Variants in TWIST2 observed in about 807,000 individuals in gnomAD.
The protein encoded by TWIST2 is twist-related protein 2.
A neutral mutation model predicts 11.6 loss-of-function variants in TWIST2; 1 was observed. The ratio of observed to expected loss-of-function variants is 0.09; its 90% CI spans 0.03 to 0.41. The LOEUF (loss-of-function observed/expected upper bound fraction) is 0.41, where lower values mean the gene tolerates loss of function less well. Among genes scored for constraint, TWIST2 ranks in the 10% least tolerant of loss-of-function variants. The pLI is 0.98. For missense variants in TWIST2, 168 were observed against 226.4 expected, an observed-to-expected ratio of 0.74 and a Z score of 1.66; for synonymous variants, 87 against 96.6, an observed-to-expected ratio of 0.90 and a Z score of 0.58.
intron 1 of TWIST2, among the ~76,000 whole-genome samples, chr2:238,886,201 C>G (rs74000304): frequency 0.02 from 3,094 of 152,134 alleles, 97 homozygotes; most frequent in African/African-American, 0.064. Context: ...ACGATGACTG[C>G]CTGACCCTCT....
At chr2:238,880,055 T>C (rs1374144961) in intron 1 of TWIST2, among the ~76,000 whole-genome samples, 5 of 152,228 alleles carry the variant, frequency 3.3e-5, no homozygotes, top group Non-Finnish European at 5.9e-5. Flanking sequence ...GTGTGAGTGT[T>C]AGTGTTAGTA....
At position 238,848,347 on chromosome 2, in the gene TWIST2, C is replaced by A; in HGVS notation, c.132C>A (p.Ser44Arg). Residue 44 changes from serine to arginine, a missense_variant, in exon 1 of 2, where the codon AGC becomes AGA. Physicochemically the swap from Ser to Arg is moderately radical, Grantham distance 110. This residue lies in a region of TWIST2 where 83 missense variants were observed against 92.7 expected (regional missense o/e 0.90). Transcript: ENST00000612363. ...GCAAGAAGTCGAGCGAAGATGGCAGCCCGACCCCGGGCAAGCGCGGCAAGA... is the reference window on the plus strand; with the variant it reads ...GCAAGAAGTCGAGCGAAGATGGCAGACCGACCCCGGGCAAGCGCGGCAAGA... ...RYSKKSSEDGSPTPGKRGKKG... is the reference protein window; with the variant it reads ...RYSKKSSEDGRPTPGKRGKKG... 6.5e-7 allele frequency: 1 copy of A among 1,534,662 alleles called. No individual in the cohort carries two copies. The highest frequency in any genetic ancestry group is 8.7e-7 in the Non-Finnish European group (1 of 1,146,044).
chr2:238,865,307 G>C (rs1044835351), intron 1 of TWIST2, among the ~76,000 whole-genome samples: 2 of 152,278 alleles, frequency 1.3e-5, no homozygotes, highest in South Asian at 4.2e-4. Context: ...CTACTGAGTC[G>C]GGTCATTATG....
chr2:238,871,293 T>C (rs1453256801), intron 1 of TWIST2, among the ~76,000 whole-genome samples: 3 of 7,376 alleles, frequency 4.1e-4, no homozygotes, highest in South Asian at 0.016. Context: ...TCCCACACAC[T>C]CCCCACACAC....
intron 1 of TWIST2, among the ~76,000 whole-genome samples, chr2:238,868,720 C>T (rs1692589952): frequency 6.6e-6 from 1 of 152,238 alleles, no homozygotes; most frequent in Non-Finnish European, 1.5e-5. Context: ...TCCTCTGTTG[C>T]CCACACACTC....
intron 1 of TWIST2, among the ~76,000 whole-genome samples, chr2:238,890,758 C>A (rs1274705917): frequency 6.6e-6 from 1 of 152,148 alleles, no homozygotes; most frequent in African/African-American, 2.4e-5. Context: ...ACCCTTGAGG[C>A]TGCGAGTCTT....
chr2:238,870,066 A>G (rs1692618882), intron 1 of TWIST2, among the ~76,000 whole-genome samples: 1 of 143,398 alleles, frequency 7.0e-6, no homozygotes, highest in African/African-American at 2.6e-5. Flanking sequence ...CAAAAAATAA[A>G]ATGCAGAACA....
intron 1 of TWIST2, among the ~76,000 whole-genome samples, chr2:238,897,706 G>A (rs2106371832): frequency 6.6e-6 from 1 of 152,238 alleles, no homozygotes; most frequent in East Asian, 1.9e-4. Flanking sequence ...CAAGACATTT[G>A]TCAAAAAGAC....
intron 1 of TWIST2, among the ~76,000 whole-genome samples, chr2:238,865,046 T>TCAC (rs1432399218): frequency 6.6e-6 from 1 of 151,980 alleles, no homozygotes; most frequent in Non-Finnish European, 1.5e-5. Context: ...CCACACGGGG[T>TCAC]CACTCCACTC....
chr2:238,893,664 A>C (rs1693174422), intron 1 of TWIST2, among the ~76,000 whole-genome samples: 1 of 152,208 alleles, frequency 6.6e-6, no homozygotes, highest in Non-Finnish European at 1.5e-5. Context: ...GAGATGGTTG[A>C]GAGTCTTCAG....
At chr2:238,905,904 C>CGTGT (rs1181396136) in intron 1 of TWIST2, among the ~76,000 whole-genome samples, 248 of 144,154 alleles carry the variant, frequency 1.7e-3, no homozygotes, top group African/African-American at 6.6e-3. Flanking sequence ...CGCGTGTGTG[C>CGTGT]GTGTGTGTGC....
At chr2:238,851,538 G>T (rs1374200106) in intron 1 of TWIST2, among the ~76,000 whole-genome samples, 2 of 151,950 alleles carry the variant, frequency 1.3e-5, no homozygotes, top group Non-Finnish European at 2.9e-5. Flanking sequence ...TGCATAGTGT[G>T]CACAGATTTT....
chr2:238,890,060 G>A (rs62191084), intron 1 of TWIST2, among the ~76,000 whole-genome samples: 80,102 of 152,074 alleles, frequency 0.53, 21,339 homozygotes, highest in Admixed American at 0.58. Flanking sequence ...CTTAGTTTTC[G>A]AGGACAGCTG....
intron 1 of TWIST2, among the ~76,000 whole-genome samples, chr2:238,884,575 C>T (rs533624704): frequency 1.1e-4 from 16 of 152,350 alleles, no homozygotes; most frequent in East Asian, 5.8e-4. Flanking sequence ...CGCAGGCCAC[C>T]GGACTGGGCT....
intron 1 of TWIST2, among the ~76,000 whole-genome samples, chr2:238,852,427 C>T (rs1364402879): frequency 9.9e-5 from 15 of 152,068 alleles, no homozygotes; most frequent in Non-Finnish European, 1.8e-4. Flanking sequence ...CAGAACTCTC[C>T]GCTAGCAGAG....
At chr2:238,884,895 C>T (rs1693004140) in intron 1 of TWIST2, among the ~76,000 whole-genome samples, 1 of 152,208 alleles carries the variant, frequency 6.6e-6, no homozygotes, top group South Asian at 2.1e-4. Context: ...CTTCCCAAAC[C>T]CACCAGTCTG....
At chr2:238,896,065 T>C (rs1693203084) in intron 1 of TWIST2, among the ~76,000 whole-genome samples, 1 of 152,020 alleles carries the variant, frequency 6.6e-6, no homozygotes, top group African/African-American at 2.4e-5. Flanking sequence ...GTTGTAAATA[T>C]GGTCATTCCC....
chr2:238,861,935 C>A (rs957130964), intron 1 of TWIST2, among the ~76,000 whole-genome samples: 3 of 152,192 alleles, frequency 2.0e-5, no homozygotes, highest in African/African-American at 7.2e-5. Context: ...TCCGTACCAT[C>A]CTTGGGATCG....
chr2:238,866,016 C>T lies in TWIST2; in HGVS notation c.*35+17283C>T, dbSNP rs1692524000. Among the ~76,000 whole-genome samples the T allele has an allele frequency of 6.6e-6, 1 of 152,216 alleles. No individual in the cohort carries two copies. Among genetic ancestry groups the T allele is most frequent in the Non-Finnish European group, 1.5e-5 (1 of 68,040 alleles). ...TGTGTGGTTAGCCTGGGGTACCTTT[C>T]CCAGTCACTGATCTGACTCCGTCGC... On this transcript the variant is annotated intron_variant, in intron 1 of 1. Coordinates refer to ENST00000612363, the MANE Select transcript of TWIST2 (RefSeq NM_001271893.4). This position sits in a 1 kb window ranked among gnomAD's most constrained non-coding sequence, Gnocchi z 4.9.
Sources: allele counts gnomAD v4.1 joint callset (sites outside exome capture counted in the v4.1 genomes callset), GRCh38; gene constraint gnomAD v4.1.1; regional missense constraint gnomAD v4.1.1; non-coding constraint Gnocchi (gnomAD v3.1); transcripts MANE v1.5; gene names NCBI Gene and HGNC (gene_info 2026-07-23, HGNC 2026-07-21).